The following ACOXL variants were observed in gnomAD, a reference collection of about 807,000 sequenced individuals.
The protein encoded by ACOXL is acyl-CoA oxidase like.
In ACOXL, 70 loss-of-function variants were observed where a neutral mutation model predicts 71.9. That is an observed-to-expected ratio of 0.97 (90% CI 0.80 to 1.19). The LOEUF is 1.19. Ranked by LOEUF, ACOXL falls within the 50% of genes most tolerant of loss-of-function variation. The pLI is 0.00. For synonymous variants in ACOXL, 253 were observed against 281.6 expected, an observed-to-expected ratio of 0.90 and a Z score of 1.02; for missense variants, 703 against 736.3, an observed-to-expected ratio of 0.95 and a Z score of 0.52.
At position 110,979,088 on chromosome 2, in the gene ACOXL, A is replaced by C. The variant is rs575590867; in HGVS notation, c.1060-8020A>C. The stretch of plus-strand genomic sequence containing the variant: ...GGAGGTGAGAATGGGATGGGAAAAC[A>C]CTTGGGAACAACAGCCGGCCCTGCG... On this transcript the variant is annotated intron_variant, in intron 12 of 17. Coordinates refer to ENST00000439055, the MANE Select transcript of ACOXL (RefSeq NM_001142807.4). Among the ~76,000 whole-genome samples, 90 of 148,610 alleles carry C rather than the reference A, an allele frequency of 6.1e-4. 1 individual carries two copies. Among genetic ancestry groups the C allele is most frequent in the Non-Finnish European group, 1.5e-5 (1 of 66,934 alleles).
chr2:110,807,403 G>A (rs1004170867), intron 9 of ACOXL, among the ~76,000 whole-genome samples: 4 of 152,188 alleles, frequency 2.6e-5, no homozygotes, highest in East Asian at 3.8e-4. Flanking sequence ...TGCTGCTGCC[G>A]TTACTGGGAA....
intron 2 of ACOXL, among the ~76,000 whole-genome samples, chr2:110,782,256 C>T (rs964105003): frequency 1.3e-4 from 20 of 152,042 alleles, no homozygotes; most frequent in African/African-American, 2.4e-5. Flanking sequence ...TCATTATCAT[C>T]GTAGCCCATT....
intron 3 of ACOXL, among the ~76,000 whole-genome samples, chr2:110,786,484 G>C (rs1307747328): frequency 6.6e-6 from 1 of 152,214 alleles, no homozygotes; most frequent in Non-Finnish European, 1.5e-5. Flanking sequence ...AGATGCAACA[G>C]ATAAATAAAT....
At chr2:110,847,775 G>T (rs187293543) in intron 10 of ACOXL, among the ~76,000 whole-genome samples, 61 of 152,214 alleles carry the variant, frequency 4.0e-4, no homozygotes, top group Non-Finnish European at 7.2e-4. Context: ...GAGAGTTGGG[G>T]AACCTGCGTG....
chr2:110,781,684 A>G (rs2105137112), intron 2 of ACOXL, among the ~76,000 whole-genome samples: 1 of 152,062 alleles, frequency 6.6e-6, no homozygotes, highest in South Asian at 2.1e-4. Flanking sequence ...AAGAAAAAAA[A>G]GAAGTGGCCA....
intron 15 of ACOXL, among the ~76,000 whole-genome samples, chr2:111,037,396 T>C (rs2149777604): frequency 6.6e-6 from 1 of 152,222 alleles, no homozygotes; most frequent in East Asian, 1.9e-4. Flanking sequence ...TCTGTTGCCC[T>C]GGGGAGAGGG....
rs567959902 is a variant in ACOXL at position 110,769,225 on chromosome 2, AAAAAG to A, written c.75+765_75+769del. ...TATTTTAGTCAATTTAGCCTCATGA[AAAAAG>A]AAAGAAAGAAAGAAAGAAAGAAAGA... On this transcript the variant is annotated intron_variant, in intron 2 of 17. Transcript: ENST00000439055. Among the ~76,000 whole-genome samples the A allele has an allele frequency of 1.6e-4, 22 of 141,638 alleles. No homozygotes were observed. The East Asian group carries it at 4.4e-3, about 28-fold the overall frequency. The allele number at this position is 141,638 out of a possible 152,430, so 92.9% of individuals were successfully genotyped here. A position where few individuals can be genotyped will look rare whatever the true frequency, so the allele number is the denominator to read the frequency against.
At chr2:110,812,467 A>G (rs57101781) in intron 9 of ACOXL, among the ~76,000 whole-genome samples, 8,458 of 151,006 alleles carry the variant, frequency 0.056, 388 homozygotes, top group African/African-American at 0.12. Context: ...CCTCCTCCCC[A>G]CTCCCTCCTC....
chr2:110,757,295 T>C (rs1454825213), intron 1 of ACOXL, among the ~76,000 whole-genome samples: 2 of 152,242 alleles, frequency 1.3e-5, no homozygotes, highest in Non-Finnish European at 2.9e-5. Flanking sequence ...TTATTCAGTC[T>C]ATCATTGATG....
intron 10 of ACOXL, chr2:110,886,899 G>A (rs1176409813): frequency 2.3e-5 from 35 of 1,539,460 alleles, no homozygotes; most frequent in Admixed American, 4.0e-5. Context: ...ACGCTTGCTC[G>A]TGAAATCAGC....
intron 16 of ACOXL, among the ~76,000 whole-genome samples, chr2:111,072,345 T>A (rs1386519613): frequency 6.6e-6 from 1 of 152,230 alleles, no homozygotes; most frequent in Non-Finnish European, 1.5e-5. Flanking sequence ...ATACAATCTG[T>A]AAACTTTTGA....
intron 11 of ACOXL, among the ~76,000 whole-genome samples, chr2:110,910,888 G>A (rs1301335967): frequency 2.0e-5 from 3 of 152,070 alleles, no homozygotes; most frequent in Non-Finnish European, 4.4e-5. Flanking sequence ...TGTGGATTTT[G>A]CCTTTTTATT....
intron 11 of ACOXL, among the ~76,000 whole-genome samples, chr2:110,913,976 G>A (rs2059745957): frequency 6.6e-6 from 1 of 152,130 alleles, no homozygotes; most frequent in Non-Finnish European, 1.5e-5. Flanking sequence ...TATGAGATGT[G>A]GAGGGGACAT....
rs182819067 is a variant in ACOXL at position 110,794,950 on chromosome 2, G to T, written c.345+776G>T. Reference sequence around the variant, plus strand: ...TAACTCCTACACGCACCCCGCCCCCGCCCCTCACCAAAAAAGAAAGCAACT... The same window carrying T: ...TAACTCCTACACGCACCCCGCCCCCTCCCCTCACCAAAAAAGAAAGCAACT... On this transcript the variant is annotated intron_variant, in intron 5 of 17. Transcript: ENST00000439055. 1.9e-4 allele frequency among the ~76,000 whole-genome samples: 13 copies of T among 67,232 alleles called. No individual in the cohort carries two copies. In the East Asian group the frequency reaches 4.7e-3, roughly 24 times the overall value. 44.1% of individuals were successfully genotyped at this position (67,232 alleles called of 152,430 possible).
intron 1 of ACOXL, among the ~76,000 whole-genome samples, chr2:110,746,221 A>G (rs759295925): frequency 4.6e-5 from 7 of 152,152 alleles, no homozygotes; most frequent in Non-Finnish European, 8.8e-5. Flanking sequence ...CCTTCTCTTC[A>G]TAACAATGCC....
intron 9 of ACOXL, among the ~76,000 whole-genome samples, chr2:110,812,307 TC>T (rs1464706348): frequency 1.3e-5 from 2 of 152,194 alleles, no homozygotes; most frequent in African/African-American, 2.4e-5. Flanking sequence ...TAAACATTTG[TC>T]CTTTTTGTAA....
At chr2:110,841,636 CA>C (rs1348627900) in intron 10 of ACOXL, among the ~76,000 whole-genome samples, 4 of 151,814 alleles carry the variant, frequency 2.6e-5, no homozygotes, top group Admixed American at 6.5e-5. Flanking sequence ...TCAAAACAAA[CA>C]AAAAAAGGGA....
chr2:110,907,412 A>G (rs1462157403), intron 10 of ACOXL, among the ~76,000 whole-genome samples: 1 of 152,174 alleles, frequency 6.6e-6, no homozygotes, highest in Non-Finnish European at 1.5e-5. Flanking sequence ...ACCTAACATC[A>G]TGATGACACC....
rs1898847 is a variant in ACOXL at position 111,058,541 on chromosome 2, G to A, written c.1440+9253G>A. Among the ~76,000 whole-genome samples, 210 of 152,324 alleles carry A rather than the reference G, an allele frequency of 1.4e-3. 1 individual carries two copies. Among genetic ancestry groups the A allele is most frequent in the African/African-American group, 5.0e-3 (208 of 41,562 alleles). On this transcript the variant is annotated intron_variant, in intron 16 of 17. Transcript: ENST00000439055. The stretch of plus-strand genomic sequence containing the variant: ...CCTGATTAAAAACTGGAAACGTTAA[G>A]AGACTTGAAGATTTCTGCTCTCTGC...
Sources: gnomAD v4.1 joint callset for allele counts (sites outside exome capture counted in the v4.1 genomes callset) on GRCh38, gnomAD v4.1.1 for gene constraint, MANE v1.5 for transcripts, NCBI Gene and HGNC (gene_info 2026-07-23, HGNC 2026-07-21) for gene names.